The following MACROD2 variants were observed in gnomAD, a reference collection of about 807,000 sequenced individuals.
The protein encoded by MACROD2 is ADP-ribose glycohydrolase MACROD2.
In MACROD2, 36 loss-of-function variants were observed where a neutral mutation model predicts 70.4. The observed-to-expected ratio is 0.51, with a 90% CI of 0.39 to 0.68. The LOEUF is 0.68. MACROD2 is among the 30% of genes least tolerant of loss of function. The pLI is 0.00. For missense variants in MACROD2, 496 were observed against 538.4 expected, an observed-to-expected ratio of 0.92 and a Z score of 0.78; for synonymous variants, 172 against 178.8, an observed-to-expected ratio of 0.96 and a Z score of 0.30.
intron 6 of MACROD2, among the ~76,000 whole-genome samples, chr20:15,343,445 G>A (rs1020599921): frequency 1.2e-4 from 19 of 152,082 alleles, no homozygotes; most frequent in Admixed American, 6.6e-5. Context: ...TCAGAAGAAG[G>A]CTTCATTAGA....
At chr20:15,723,463 A>C (rs760864225) in intron 8 of MACROD2, among the ~76,000 whole-genome samples, 4 of 152,034 alleles carry the variant, frequency 2.6e-5, no homozygotes, top group African/African-American at 7.2e-5. Context: ...CTCCCAACCC[A>C]CTGACGATCG....
intron 4 of MACROD2, among the ~76,000 whole-genome samples, chr20:14,625,925 C>T (rs1489823662): frequency 1.3e-5 from 2 of 152,128 alleles, no homozygotes; most frequent in Admixed American, 6.5e-5. Flanking sequence ...TGGGTTCAAG[C>T]GGTTCTCCTG....
chr20:14,528,073 A>G (rs549428878), intron 4 of MACROD2, among the ~76,000 whole-genome samples: 1 of 152,084 alleles, frequency 6.6e-6, no homozygotes, highest in South Asian at 2.1e-4. Context: ...TCTCAATATA[A>G]GATAAAATCT....
intron 5 of MACROD2, among the ~76,000 whole-genome samples, chr20:15,203,301 G>A (rs1255875023): frequency 6.6e-6 from 1 of 152,058 alleles, no homozygotes; most frequent in African/African-American, 2.4e-5. Context: ...ATTTGGCTTT[G>A]TTTGGGGATT....
chr20:15,327,984 A>G (rs2423925), intron 6 of MACROD2, among the ~76,000 whole-genome samples: 92,940 of 151,850 alleles, frequency 0.61, 29,718 homozygotes, highest in African/African-American at 0.8. Flanking sequence ...TAAACTTAAC[A>G]AATAACTAAA....
At chr20:14,435,714 T>TG (rs2084048988) in intron 3 of MACROD2, among the ~76,000 whole-genome samples, 1 of 148,912 alleles carries the variant, frequency 6.7e-6, no homozygotes, top group South Asian at 2.1e-4. Context: ...TAGAAGTCAT[T>TG]TTTTTTTTTT....
At chr20:15,322,711 T>G (rs949112580) in intron 6 of MACROD2, among the ~76,000 whole-genome samples, 2 of 144,452 alleles carry the variant, frequency 1.4e-5, no homozygotes, top group African/African-American at 4.9e-5. Context: ...ACATTCTCCC[T>G]GAATTTGTCT....
chr20:14,309,269 C>T (rs530786708), intron 3 of MACROD2, among the ~76,000 whole-genome samples: 24 of 152,208 alleles, frequency 1.6e-4, no homozygotes, highest in South Asian at 1.0e-3. Context: ...CTATAATATT[C>T]GAATAACTTA....
intron 10 of MACROD2, among the ~76,000 whole-genome samples, chr20:15,887,865 A>G (rs2064841840): frequency 6.6e-6 from 1 of 152,162 alleles, no homozygotes; most frequent in African/African-American, 2.4e-5. Context: ...CTTTTTTCAT[A>G]CTAAGACTTT....
intron 8 of MACROD2, among the ~76,000 whole-genome samples, chr20:15,560,495 A>T (rs2048226713): frequency 6.6e-6 from 1 of 152,096 alleles, no homozygotes; most frequent in Admixed American, 6.6e-5. Flanking sequence ...GAGTTCAATG[A>T]CTCATGCCTA....
intron 5 of MACROD2, among the ~76,000 whole-genome samples, chr20:15,164,105 G>A (rs1053152989): frequency 1.3e-5 from 2 of 152,024 alleles, no homozygotes; most frequent in African/African-American, 4.8e-5. Context: ...ATACTCAAAG[G>A]ACATACAGTG....
At chr20:15,066,136 T>TA (rs2075573162) in intron 5 of MACROD2, among the ~76,000 whole-genome samples, 1 of 149,486 alleles carries the variant, frequency 6.7e-6, no homozygotes, top group Non-Finnish European at 1.5e-5. Flanking sequence ...TTTTAATTTT[T>TA]ATTTTTATTT....
chr20:14,362,406 C>T (rs756303373), intron 3 of MACROD2, among the ~76,000 whole-genome samples: 1 of 152,176 alleles, frequency 6.6e-6, no homozygotes, highest in Non-Finnish European at 1.5e-5. Flanking sequence ...GGGTCAGGCC[C>T]TGTGGTAGCT....
intron 2 of MACROD2, among the ~76,000 whole-genome samples, chr20:14,056,492 CT>C (rs1334778648): frequency 6.6e-6 from 1 of 151,702 alleles, no homozygotes; most frequent in Non-Finnish European, 1.5e-5. Flanking sequence ...TCTAAATTTG[CT>C]TCTAAATTAC....
At chr20:15,492,933 G>A (rs2047250884) in intron 7 of MACROD2, among the ~76,000 whole-genome samples, 2 of 152,130 alleles carry the variant, frequency 1.3e-5, no homozygotes, top group Admixed American at 6.5e-5. Context: ...TGGAAGGCTG[G>A]TTAGTATAGC....
intron 8 of MACROD2, among the ~76,000 whole-genome samples, chr20:15,790,481 G>C (rs2063613805): frequency 6.6e-6 from 1 of 151,800 alleles, no homozygotes; most frequent in Non-Finnish European, 1.5e-5. Flanking sequence ...CTTTATCTCA[G>C]GTATCCCTCT....
At chr20:14,729,790 A>G (rs2071572926) in intron 5 of MACROD2, among the ~76,000 whole-genome samples, 1 of 152,318 alleles carries the variant, frequency 6.6e-6, no homozygotes, top group Non-Finnish European at 1.5e-5. Context: ...TCAGTATGAA[A>G]AAAAGCACTA....
intron 3 of MACROD2, among the ~76,000 whole-genome samples, chr20:14,299,026 T>C (rs1410984056): frequency 6.6e-6 from 1 of 152,150 alleles, no homozygotes; most frequent in Non-Finnish European, 1.5e-5. Context: ...AAATATTATA[T>C]AAACTTAGTT....
At chr20:14,822,191 T>G (rs1049047207) in intron 5 of MACROD2, among the ~76,000 whole-genome samples, 2 of 152,094 alleles carry the variant, frequency 1.3e-5, no homozygotes, top group African/African-American at 4.8e-5. Context: ...GCTGGGAATG[T>G]GATATCACTT....
Sources: gnomAD v4.1 joint callset for allele counts (sites outside exome capture counted in the v4.1 genomes callset) on GRCh38, gnomAD v4.1.1 for gene constraint, MANE v1.5 for transcripts, NCBI Gene and HGNC (gene_info 2026-07-23, HGNC 2026-07-21) for gene names.